MAN1C1: variants seen among roughly 807,000 people sequenced by gnomAD.
MAN1C1 encodes mannosidase alpha class 1C member 1.
In MAN1C1, 49 loss-of-function variants were observed where a neutral mutation model predicts 71.5. The observed-to-expected ratio is 0.69, with a 90% confidence interval of 0.54 to 0.87. The LOEUF is 0.87. Ranked by LOEUF, MAN1C1 falls within the 40% of genes least tolerant of loss-of-function variation. The probability of loss-of-function intolerance (pLI) is 0.00; values close to 1 mark genes in which losing one functional copy is unlikely to be tolerated. For missense variants in MAN1C1, 743 were observed against 835.0 expected, an observed-to-expected ratio of 0.89 and a Z score of 1.36; for synonymous variants, 352 against 343.7, an observed-to-expected ratio of 1.02 and a Z score of -0.27.
At chr1:25,765,113 G>C (rs748678253) in intron 7 of MAN1C1, among the ~76,000 whole-genome samples, 2 of 152,200 alleles carry the variant, frequency 1.3e-5, no homozygotes, top group Non-Finnish European at 2.9e-5. Context: ...CAGTCCCAGA[G>C]TTTTCAGAAG....
chr1:25,719,232 C>A (rs2046726552), intron 2 of MAN1C1, among the ~76,000 whole-genome samples: 1 of 149,894 alleles, frequency 6.7e-6, no homozygotes, highest in African/African-American at 2.4e-5. Flanking sequence ...GCCCCCATGC[C>A]CGGCTTATTT....
chr1:25,641,644 G>A (rs1187355110), intron 1 of MAN1C1, among the ~76,000 whole-genome samples: 1 of 152,160 alleles, frequency 6.6e-6, no homozygotes. Flanking sequence ...CCTGAGCACA[G>A]GGATTGAAAA....
At position 25,631,167 on chromosome 1, in the gene MAN1C1, C is replaced by T. The variant is rs902407851; in HGVS notation, c.540+12830C>T. 3.3e-5 allele frequency among the ~76,000 whole-genome samples: 5 copies of T among 152,022 alleles called. No individual in the cohort carries two copies. Among genetic ancestry groups the T allele is most frequent in the African/African-American group, 1.2e-4 (5 of 41,392 alleles). ...ATTTTTAGAAGAGACGGGGTTTTGC[C>T]ATGTTGCCCAGGCTGGTCTCAAACT... On this transcript the variant is annotated intron_variant, in intron 1 of 11. Transcript: ENST00000374332. This position sits in a 1 kb window ranked among gnomAD's most constrained non-coding sequence, Gnocchi z 4.2.
At chr1:25,729,227 C>T (rs1440263306) in intron 2 of MAN1C1, among the ~76,000 whole-genome samples, 1 of 152,214 alleles carries the variant, frequency 6.6e-6, no homozygotes, top group Non-Finnish European at 1.5e-5. Flanking sequence ...GACCAGCTTC[C>T]TACCTCAGGG....
intron 2 of MAN1C1, among the ~76,000 whole-genome samples, chr1:25,706,423 TA>T (rs2046524174): frequency 6.6e-6 from 1 of 152,052 alleles, no homozygotes; most frequent in Non-Finnish European, 1.5e-5. Flanking sequence ...AGACCTGCCT[TA>T]GGGGAGTTGT....
At chr1:25,660,396 C>CCTTTTTTT (rs1389255801) in intron 1 of MAN1C1, among the ~76,000 whole-genome samples, 4 of 97,602 alleles carry the variant, frequency 4.1e-5, no homozygotes, top group African/African-American at 1.9e-4. Context: ...AGTGAAATTC[C>CCTTTTTTT]TTTTTTTTTT....
Position 25,783,858 on chromosome 1 carries a change from C to T in MAN1C1, c.*69C>T. On this transcript the variant is annotated 3_prime_UTR_variant, in exon 12 of 12. Transcript: ENST00000374332. ...TGCCTTTTCAGGATTTGAGACTGTT[C>T]TCAAAGGGATTGGGAACGAAGGCCC... 1 of 1,562,764 alleles carries T rather than the reference C, an allele frequency of 6.4e-7. No homozygotes were observed. The highest frequency in any genetic ancestry group is 1.8e-5 in the Admixed American group (1 of 56,542).
chr1:25,734,909 G>A (rs148562802), intron 2 of MAN1C1, among the ~76,000 whole-genome samples: 74 of 152,370 alleles, frequency 4.9e-4, no homozygotes, highest in East Asian at 4.6e-3. Context: ...TCAGATCCAC[G>A]TGGGAGAGTC....
At chr1:25,664,563 T>C (rs1425685749) in intron 1 of MAN1C1, among the ~76,000 whole-genome samples, 1 of 152,230 alleles carries the variant, frequency 6.6e-6, no homozygotes, top group Non-Finnish European at 1.5e-5. Flanking sequence ...GCTGGCACTT[T>C]TACAGCTCGG....
chr1:25,768,729 C>T (rs1553195347), intron 7 of MAN1C1, among the ~76,000 whole-genome samples: 1 of 132,032 alleles, frequency 7.6e-6, no homozygotes, highest in African/African-American at 2.8e-5. Flanking sequence ...CCCCTACATA[C>T]ACTCCCCTCA....
rs142084344 is a variant in MAN1C1, at chr1:25,782,662, C to T, written c.1728C>T (p.Asp576=). Residue 576 remains aspartate, a synonymous_variant, in exon 11 of 12, where the codon GAC becomes GAT. Transcript: ENST00000374332. This position sits in a 1 kb window ranked among gnomAD's most constrained non-coding sequence, Gnocchi z 4.4. ...TGTACAGTAGCACCCCCAACCACGA[C>T]AACAAGCAGCAGAGCTTCTTTCTAG... The part of the protein sequence containing the change: ...QDVYSSTPNH[D]NKQQSFFLAE... 218 of 1,613,982 alleles carry T rather than the reference C, an allele frequency of 1.4e-4. 1 individual carries two copies. Among genetic ancestry groups the T allele is most frequent in the Middle Eastern group, 1.3e-3 (8 of 6,084 alleles).
chr1:25,738,573 G>T (rs2124318359), intron 2 of MAN1C1, among the ~76,000 whole-genome samples: 1 of 152,354 alleles, frequency 6.6e-6, no homozygotes, highest in South Asian at 2.1e-4. Context: ...GGGACAGCTT[G>T]TCTCTGTGCA....
At chr1:25,761,672 G>A (rs1293895718) in intron 6 of MAN1C1, 1 of 121,944 alleles carries the variant, frequency 8.2e-6, no homozygotes, top group African/African-American at 3.2e-5. Context: ...CGCCCAGCCT[G>A]GAGTGCAGTG....
At position 25,655,329 on chromosome 1, in the gene MAN1C1, C is replaced by T. The variant is rs570601319; in HGVS notation, c.541-31111C>T. Among the ~76,000 whole-genome samples, 39 of 152,330 alleles carry T rather than the reference C, an allele frequency of 2.6e-4. 1 individual carries two copies. Among genetic ancestry groups the T allele is most frequent in the African/African-American group, 9.4e-4 (39 of 41,582 alleles). On this transcript the variant is annotated intron_variant, in intron 1 of 11. Coordinates refer to ENST00000374332, the MANE Select transcript of MAN1C1 (RefSeq NM_020379.4). ...CTCAGGGAGGGAACCTGCTGTCCAA[C>T]ACTGCTCTTCCAGGGTTAAAGTTCC...
intron 2 of MAN1C1, 89 bp downstream of exon 2, chr1:25,686,625 C>A: frequency 8.9e-7 from 1 of 1,123,420 alleles, no homozygotes; most frequent in Non-Finnish European, 1.3e-6. Context: ...TTTTCACCTC[C>A]TGAGCTGTGG....
chr1:25,650,122 C>G (rs920060243), intron 1 of MAN1C1, among the ~76,000 whole-genome samples: 1 of 152,176 alleles, frequency 6.6e-6, no homozygotes, highest in Non-Finnish European at 1.5e-5. Context: ...ACTCCCATGT[C>G]CACAGCTCTG....
At chr1:25,701,949 A>G (rs548323636) in intron 2 of MAN1C1, among the ~76,000 whole-genome samples, 151 of 152,324 alleles carry the variant, frequency 9.9e-4, no homozygotes, top group Non-Finnish European at 1.6e-3. Flanking sequence ...AATCCCAGCT[A>G]CTTTGGAGGC....
intron 8 of MAN1C1, 47 bp downstream of exon 8, chr1:25,771,819 C>G (rs760581590): frequency 6.7e-7 from 1 of 1,495,300 alleles, no homozygotes; most frequent in South Asian, 1.1e-5. Flanking sequence ...CACCAGCCCC[C>G]GGCTCTCTCA....
At chr1:25,721,621 C>T (rs2046767330) in intron 2 of MAN1C1, among the ~76,000 whole-genome samples, 1 of 152,152 alleles carries the variant, frequency 6.6e-6, no homozygotes. Context: ...ATTGATGTAT[C>T]CTACAACCTT....
Sources: allele counts gnomAD v4.1 joint callset (sites outside exome capture counted in the v4.1 genomes callset), GRCh38; gene constraint gnomAD v4.1.1; non-coding constraint Gnocchi (gnomAD v3.1); transcripts MANE v1.5; gene names NCBI Gene and HGNC (gene_info 2026-07-23, HGNC 2026-07-21).